KCNT2: variants seen among roughly 807,000 people sequenced by gnomAD.
KCNT2 encodes potassium channel subfamily T member 2.
In KCNT2, 67 loss-of-function variants were observed where a neutral mutation model predicts 153.8. The ratio of observed to expected loss-of-function variants is 0.44; its 90% CI spans 0.36 to 0.53. The LOEUF is 0.53. KCNT2 is among the 20% of genes least tolerant of loss of function. The pLI, the probability that KCNT2 is intolerant of heterozygous loss-of-function variation, is 0.00. For synonymous variants in KCNT2, 500 were observed against 458.8 expected (o/e 1.09, Z -1.15); for missense variants, 975 against 1,354.8 (o/e 0.72, Z 4.40).
intron 1 of KCNT2, among the ~76,000 whole-genome samples, chr1:196,517,186 A>C (rs577827706): frequency 6.6e-6 from 1 of 152,212 alleles, no homozygotes. Flanking sequence ...TATTCCATGC[A>C]GGTCCCAGTA....
At chr1:196,322,592 CAT>C (rs1319465041) in intron 19 of KCNT2, among the ~76,000 whole-genome samples, 12 of 151,916 alleles carry the variant, frequency 7.9e-5, no homozygotes, top group African/African-American at 2.4e-4. Context: ...TAGAAATTCT[CAT>C]AGCAAAAGTT....
chr1:196,436,403 G>C (rs906079369), intron 8 of KCNT2, among the ~76,000 whole-genome samples: 14 of 151,504 alleles, frequency 9.2e-5, no homozygotes, highest in African/African-American at 2.7e-4. Context: ...ACAGACAGTT[G>C]ATTGTTACCT....
intron 14 of KCNT2, among the ~76,000 whole-genome samples, chr1:196,346,339 A>C (rs909868790): frequency 2.0e-5 from 3 of 152,112 alleles, no homozygotes; most frequent in African/African-American, 7.2e-5. Flanking sequence ...TCTATGATGA[A>C]TGTATTGAAT....
intron 13 of KCNT2, among the ~76,000 whole-genome samples, chr1:196,375,173 T>C (rs1668852278): frequency 6.6e-6 from 1 of 151,842 alleles, no homozygotes; most frequent in Admixed American, 6.6e-5. Flanking sequence ...AAGATTTTGC[T>C]GCAGTGGCTA....
intron 27 of KCNT2, 116 bp downstream of exon 27, chr1:196,235,870 A>T: frequency 1.6e-6 from 1 of 617,000 alleles, no homozygotes; most frequent in Non-Finnish European, 2.9e-6. Flanking sequence ...TTAGGTATAG[A>T]CTATTTAAGC....
chr1:196,236,017 G>A lies in KCNT2; in HGVS notation c.3265C>T (p.Pro1089Ser). The A allele has an allele frequency of 6.2e-7, 1 of 1,603,516 alleles. No individual in the cohort carries two copies. Among genetic ancestry groups the A allele is most frequent in the East Asian group, 2.2e-5 (1 of 44,620 alleles). ...TLSYILINPS[P>S]DTRIELNDVV... is the part of the protein sequence containing the mutation. ...TCATTCAGCTCTATTCTGGTATCTG[G>A]AGATGGGTTAATCAGGATGTAGGAG... The change falls in exon 27 of 28, where the codon CCA (proline) becomes TCA (serine). Residue 1089 changes from proline (P) to serine (S), a missense_variant. Pro to Ser is a moderately conservative substitution (Grantham distance 74). Around this residue, in one of 6 missense-constraint regions of KCNT2, gnomAD observed 241 missense variants for 271.1 expected, o/e 0.89. Transcript: ENST00000294725.
At chr1:196,507,821 T>A (rs977932082) in intron 1 of KCNT2, among the ~76,000 whole-genome samples, 1 of 152,098 alleles carries the variant, frequency 6.6e-6, no homozygotes, top group African/African-American at 2.4e-5. Flanking sequence ...ATGTTATTTA[T>A]AATATGATAA....
intron 21 of KCNT2, 65 bp from the exon 22 acceptor site, chr1:196,305,410 A>G (rs1661534212): frequency 1.2e-6 from 1 of 851,982 alleles, no homozygotes; most frequent in Non-Finnish European, 2.0e-6. Context: ...ATAACAACAT[A>G]TTTATGAGTG....
At chr1:196,576,911 C>T (rs530346906) in intron 1 of KCNT2, among the ~76,000 whole-genome samples, 11 of 152,176 alleles carry the variant, frequency 7.2e-5, no homozygotes, top group East Asian at 1.9e-4. Flanking sequence ...TAGTTAAATT[C>T]CTCTTTCCCA....
At chr1:196,526,704 G>T (rs946566903) in intron 1 of KCNT2, among the ~76,000 whole-genome samples, 2 of 152,126 alleles carry the variant, frequency 1.3e-5, no homozygotes, top group Admixed American at 6.5e-5. Context: ...GCCCACCTCG[G>T]CCTCCTAAAG....
chr1:196,335,579 T>C (rs1435853570), intron 16 of KCNT2, among the ~76,000 whole-genome samples: 1 of 152,184 alleles, frequency 6.6e-6, no homozygotes, highest in Non-Finnish European at 1.5e-5. Flanking sequence ...ATGCTATCCA[T>C]CATTGACTGA....
chr1:196,417,703 G>A (rs1026459242), intron 12 of KCNT2, among the ~76,000 whole-genome samples: 2 of 152,048 alleles, frequency 1.3e-5, no homozygotes, highest in African/African-American at 4.8e-5. Context: ...TAGCGATGGG[G>A]ATATATTCTG....
intron 7 of KCNT2, among the ~76,000 whole-genome samples, chr1:196,467,253 A>C (rs763858910): frequency 6.6e-6 from 1 of 152,114 alleles, no homozygotes; most frequent in African/African-American, 2.4e-5. Context: ...TAAGGTTTTT[A>C]GTGACATTGA....
At chr1:196,488,282 C>G (rs1380558431) in intron 3 of KCNT2, among the ~76,000 whole-genome samples, 1 of 151,886 alleles carries the variant, frequency 6.6e-6, no homozygotes, top group Non-Finnish European at 1.5e-5. Flanking sequence ...GAGCCTGCAC[C>G]CATAAAGGCG....
chr1:196,344,942 T>C (rs562905192), intron 14 of KCNT2, among the ~76,000 whole-genome samples: 184 of 152,270 alleles, frequency 1.2e-3, no homozygotes, highest in Non-Finnish European at 2.0e-3. Flanking sequence ...TTAATCTAAT[T>C]GTCAGTATAC....
intron 14 of KCNT2, among the ~76,000 whole-genome samples, chr1:196,363,467 G>T (rs1372920603): frequency 6.6e-6 from 1 of 152,084 alleles, no homozygotes; most frequent in Middle Eastern, 3.2e-3. Flanking sequence ...GTGTTGCTAG[G>T]ATTTGAATAT....
chr1:196,277,763 T>A (rs764536336), intron 25 of KCNT2, among the ~76,000 whole-genome samples: 2 of 152,168 alleles, frequency 1.3e-5, no homozygotes, highest in Non-Finnish European at 2.9e-5. Context: ...AATCATTTCA[T>A]ATTTGAGAGA....
rs761971343 is a variant in KCNT2 at position 196,305,306 on chromosome 1, G to A, written c.2523C>T (p.His841=). 2.5e-6 allele frequency: 4 copies of A among 1,612,344 alleles called. No individual in the cohort carries two copies. The highest frequency in any genetic ancestry group is 1.7e-5 in the Admixed American group (1 of 59,946). ...SSLSIITELT[H]PANMRFMQFR... is the part of the protein sequence containing the mutation. ...ATTGCATGAATCTCATGTTGGCGGG[G>A]TGAGTTAGCTCTGTGATAATACTGA... Residue 841 remains histidine, a synonymous_variant, in exon 22 of 28, where the codon CAC becomes CAT. Transcript: ENST00000294725.
At chr1:196,524,897 C>T (rs1653971687) in intron 1 of KCNT2, among the ~76,000 whole-genome samples, 1 of 152,028 alleles carries the variant, frequency 6.6e-6, no homozygotes, top group South Asian at 2.1e-4. Flanking sequence ...TAATAAATCA[C>T]TAGGTTTTGA....
Sources: gnomAD v4.1 joint callset for allele counts (sites outside exome capture counted in the v4.1 genomes callset) on GRCh38, gnomAD v4.1.1 for gene constraint, gnomAD v4.1.1 regional missense constraint, MANE v1.5 for transcripts, NCBI Gene and HGNC (gene_info 2026-07-23, HGNC 2026-07-21) for gene names.